Variants in CCDC126 observed in about 807,000 individuals in gnomAD.
CCDC126 encodes coiled-coil domain-containing protein 126.
Under a neutral mutation model 11.7 loss-of-function variants are expected in CCDC126, and 5 were observed. The observed-to-expected ratio is 0.43, with a 90% confidence interval of 0.22 to 0.90. CCDC126 has a LOEUF of 0.90. Ranked by LOEUF, CCDC126 falls within the 40% of genes least tolerant of loss-of-function variation. The pLI, the probability that CCDC126 is intolerant of heterozygous loss-of-function variation, is 0.27. For synonymous variants in CCDC126, 60 were observed against 61.9 expected (o/e 0.97, Z 0.14); for missense variants, 150 against 163.1 (o/e 0.92, Z 0.44).
At chr7:23,632,432 C>G (rs1396721565) in intron 3 of CCDC126, among the ~76,000 whole-genome samples, 1 of 152,120 alleles carries the variant, frequency 6.6e-6, no homozygotes, top group Non-Finnish European at 1.5e-5. Flanking sequence ...CAAAGCTGTT[C>G]AGTATTTGAA....
rs1055410297 is a variant in CCDC126 at position 23,597,461 on chromosome 7, C to T, written c.-375C>T. ...TGGGAACAAACCTCGTCCCAACTCC[C>T]ACCCACCGGCGTTTCTCCAGCTCGA... On this transcript the variant is annotated 5_prime_UTR_variant, in exon 1 of 4. Transcript: ENST00000307471. 3 of 152,408 alleles carry T rather than the reference C, an allele frequency of 2.0e-5. No homozygotes were observed. The South Asian group carries it at 6.2e-4, about 32-fold the overall frequency. The allele number at this position is 152,408 out of a possible 1,614,324, so 9.4% of individuals were successfully genotyped here. A position where few individuals can be genotyped will look rare whatever the true frequency, so the allele number is the denominator to read the frequency against.
At chr7:23,636,020 G>A (rs1358190743) in intron 3 of CCDC126, among the ~76,000 whole-genome samples, 1 of 151,762 alleles carries the variant, frequency 6.6e-6, no homozygotes, top group South Asian at 2.1e-4. Flanking sequence ...GTGCCGCCAC[G>A]CCTGACTGGT....
At chr7:23,638,621 T>A (rs1260248813) in intron 3 of CCDC126, among the ~76,000 whole-genome samples, 1 of 125,512 alleles carries the variant, frequency 8.0e-6, no homozygotes, top group Non-Finnish European at 1.6e-5. Context: ...CAGAGACCTT[T>A]GTTCACTTGT....
At chr7:23,609,468 G>T (rs1782670978) in intron 2 of CCDC126, among the ~76,000 whole-genome samples, 1 of 152,138 alleles carries the variant, frequency 6.6e-6, no homozygotes, top group Non-Finnish European at 1.5e-5. Flanking sequence ...ACCATGCCTG[G>T]ACAATTTCTA....
Position 23,611,302 on chromosome 7 carries a change from T to G in CCDC126, c.-14T>G. ...CCATTTTTCAGTCAAGTCTGTTTGT[T>G]TGCTTCTTCAGAAATGTTTTTTACA... On this transcript the variant is annotated 5_prime_UTR_variant, in exon 3 of 4. Coordinates refer to ENST00000307471, the MANE Select transcript of CCDC126 (RefSeq NM_138771.4). 1 of 1,535,452 alleles carries G rather than the reference T, an allele frequency of 6.5e-7. No individual in the cohort carries two copies. The highest frequency in any genetic ancestry group is 9.0e-7 in the Non-Finnish European group (1 of 1,109,418).
intron 3 of CCDC126, among the ~76,000 whole-genome samples, chr7:23,618,757 C>G (rs1782838889): frequency 6.6e-6 from 1 of 151,622 alleles, no homozygotes; most frequent in Admixed American, 6.6e-5. Flanking sequence ...TTACCATGTT[C>G]AAGGCCAGGT....
Position 23,643,389 on chromosome 7 carries a change from T to C in CCDC126, c.*274T>C, listed in dbSNP as rs192277061. On this transcript the variant is annotated 3_prime_UTR_variant, in exon 4 of 4. Coordinates refer to ENST00000307471, the MANE Select transcript of CCDC126 (RefSeq NM_138771.4). ...GTGGTAAGCAGATAGGTGAGTTTTGTATAAATCTTTTGTGTTTGAGATCAA... is the reference window on the plus strand; with the variant it reads ...GTGGTAAGCAGATAGGTGAGTTTTGCATAAATCTTTTGTGTTTGAGATCAA... 59 of 291,904 alleles carry C rather than the reference T, an allele frequency of 2.0e-4. 1 individual carries two copies. The Admixed American group carries it at 2.0e-3, about 10-fold the overall frequency. The allele number at this position is 291,904 out of a possible 1,614,324, so 18.1% of individuals were successfully genotyped here.
chr7:23,603,166 GT>G (rs1214709396), intron 2 of CCDC126, among the ~76,000 whole-genome samples: 1 of 152,072 alleles, frequency 6.6e-6, no homozygotes, highest in Non-Finnish European at 1.5e-5. Flanking sequence ...AGAAGACTTT[GT>G]GTTTATCTTT....
chr7:23,624,175 C>T (rs979900435), intron 3 of CCDC126, among the ~76,000 whole-genome samples: 6 of 152,134 alleles, frequency 3.9e-5, no homozygotes, highest in Non-Finnish European at 4.4e-5. Context: ...TTATCTTTAG[C>T]CTTGTGGATT....
chr7:23,617,568 TG>T (rs1782817018), intron 3 of CCDC126, among the ~76,000 whole-genome samples: 1 of 152,092 alleles, frequency 6.6e-6, no homozygotes, highest in Non-Finnish European at 1.5e-5. Context: ...ATGATCTGGC[TG>T]GGACATTTCT....
rs1782459303 is a variant in CCDC126, at chr7:23,598,036, A to G, written c.-161A>G. ...CTTTTAAACTCCCTCTTCAAAACTC[A>G]TCTCCTGGGTGACTGGTAAGGATGA... On this transcript the variant is annotated 5_prime_UTR_variant, in exon 2 of 4. Coordinates refer to ENST00000307471, the MANE Select transcript of CCDC126 (RefSeq NM_138771.4). 6.6e-6 allele frequency: 1 copy of G among 152,250 alleles called. No individual in the cohort carries two copies. Among genetic ancestry groups the G allele is most frequent in the South Asian group, 2.1e-4 (1 of 4,834 alleles). 9.4% of individuals were successfully genotyped at this position (152,250 alleles called of 1,614,324 possible).
At chr7:23,627,964 C>T (rs949348076) in intron 3 of CCDC126, among the ~76,000 whole-genome samples, 3 of 152,080 alleles carry the variant, frequency 2.0e-5, no homozygotes, top group African/African-American at 7.2e-5. Context: ...CTCTTGCACA[C>T]AAATCCAGCA....
At chr7:23,618,259 T>TA (rs1782827954) in intron 3 of CCDC126, among the ~76,000 whole-genome samples, 1 of 152,208 alleles carries the variant, frequency 6.6e-6, no homozygotes, top group African/African-American at 2.4e-5. Flanking sequence ...TGGTTGAACT[T>TA]AATCTCCACC....
At chr7:23,632,760 T>A (rs747488290) in intron 3 of CCDC126, among the ~76,000 whole-genome samples, 6 of 152,236 alleles carry the variant, frequency 3.9e-5, no homozygotes, top group Non-Finnish European at 7.3e-5. Flanking sequence ...GTAAAATGCG[T>A]GGTCCTTGTA....
intron 3 of CCDC126, among the ~76,000 whole-genome samples, chr7:23,628,437 G>A (rs1429318071): frequency 6.6e-6 from 1 of 152,124 alleles, no homozygotes. Flanking sequence ...AGAAAAGGCA[G>A]CCTAGCAAGC....
At position 23,643,149 on chromosome 7, in the gene CCDC126, T is replaced by G; in HGVS notation, c.*34T>G. 6.3e-7 allele frequency: 1 copy of G among 1,583,056 alleles called. No homozygotes were observed. The highest frequency in any genetic ancestry group is 8.6e-7 in the Non-Finnish European group (1 of 1,157,388). On this transcript the variant is annotated 3_prime_UTR_variant, in exon 4 of 4. Coordinates refer to ENST00000307471, the MANE Select transcript of CCDC126 (RefSeq NM_138771.4). ...AATCACCTTGTGCTGCTCCATCCAC[T>G]GTGGATTATATCCTATGGCAGAAAA...
At chr7:23,628,177 A>G (rs1410059925) in intron 3 of CCDC126, among the ~76,000 whole-genome samples, 2 of 152,308 alleles carry the variant, frequency 1.3e-5, no homozygotes, top group Middle Eastern at 3.4e-3. Context: ...ATGGAGATCT[A>G]TCCTCATCTA....
chr7:23,629,085 C>T (rs1783061492), intron 3 of CCDC126, among the ~76,000 whole-genome samples: 1 of 152,162 alleles, frequency 6.6e-6, no homozygotes, highest in Non-Finnish European at 1.5e-5. Flanking sequence ...ACACAAATCA[C>T]TTATACCAAG....
intron 3 of CCDC126, among the ~76,000 whole-genome samples, chr7:23,636,481 G>A (rs1354236385): frequency 7.4e-6 from 1 of 135,272 alleles, no homozygotes; most frequent in Admixed American, 7.3e-5. Flanking sequence ...GCCGCCCATC[G>A]TCTGAGATGT....
Sources: gnomAD v4.1 joint callset for allele counts (sites outside exome capture counted in the v4.1 genomes callset) on GRCh38, gnomAD v4.1.1 for gene constraint, MANE v1.5 for transcripts, NCBI Gene and HGNC (gene_info 2026-07-23, HGNC 2026-07-21) for gene names.